The following ENPP1 variants were observed in gnomAD, a reference collection of about 807,000 sequenced individuals.
ENPP1 encodes the protein ectonucleotide pyrophosphatase/phosphodiesterase 1, also known as ectonucleotide pyrophosphatase/phosphodiesterase family member 1.
ENPP1 carries 73 observed loss-of-function variants against 122.8 expected under a neutral mutation model. The ratio of observed to expected loss-of-function variants is 0.59; its 90% CI spans 0.49 to 0.72. The LOEUF (loss-of-function observed/expected upper bound fraction) is 0.72, where lower values mean the gene tolerates loss of function less well. ENPP1 is among the 30% of genes least tolerant of loss of function. The probability of loss-of-function intolerance (pLI) is 0.00; values close to 1 mark genes in which losing one functional copy is unlikely to be tolerated. For synonymous variants in ENPP1, 367 were observed against 391.6 expected (o/e 0.94, Z 0.74); for missense variants, 978 against 1,128.1 (o/e 0.87, Z 1.91).
intron 1 of ENPP1, chr6:131,826,039 A>G: frequency 2.6e-6 from 2 of 756,114 alleles, no homozygotes; most frequent in Non-Finnish European, 2.5e-6. Flanking sequence ...AAGAGTATTG[A>G]GCAAATTCTC....
rs372730041 is a variant in ENPP1 at position 131,863,697 on chromosome 6, G to A, written c.1026-809G>A. Among the ~76,000 whole-genome samples, 151 of 150,944 alleles carry A rather than the reference G, an allele frequency of 1.0e-3. 7 individuals carry two copies. The South Asian group carries it at 0.03, about 30-fold the overall frequency. On this transcript the variant is annotated intron_variant, in intron 9 of 24. Transcript: ENST00000647893. ...TGGAAGGCTGAGGCAGGCGGATCACGAGGTCAGGAGATCACCTGGCTAACA... is the reference window on the plus strand; with the variant it reads ...TGGAAGGCTGAGGCAGGCGGATCACAAGGTCAGGAGATCACCTGGCTAACA...
chr6:131,889,973 T>C (rs1585848311), intron 24 of ENPP1, among the ~76,000 whole-genome samples: 1 of 150,030 alleles, frequency 6.7e-6, no homozygotes, highest in African/African-American at 2.4e-5. Flanking sequence ...TTTGACTTTT[T>C]AATAATAGGC....
At chr6:131,886,390 A>G (rs1342109689) in intron 23 of ENPP1, among the ~76,000 whole-genome samples, 172 bp from the exon 24 acceptor site, 2 of 152,212 alleles carry the variant, frequency 1.3e-5, no homozygotes, top group Non-Finnish European at 2.9e-5. Flanking sequence ...TCTTCTAATT[A>G]TTGCTCTCAA....
intron 1 of ENPP1, chr6:131,825,894 T>C (rs1781541445): frequency 3.2e-6 from 1 of 313,860 alleles, no homozygotes; most frequent in Non-Finnish European, 5.9e-6. Flanking sequence ...TTTTTCATCT[T>C]TATTAACTTA....
chr6:131,828,189 A>G, intron 1 of ENPP1: 1 of 576,578 alleles, frequency 1.7e-6, no homozygotes, highest in Admixed American at 1.9e-5. Context: ...GGATGTGTTT[A>G]TGCTGGCTTT....
At chr6:131,809,151 T>C (rs1562505384) in intron 1 of ENPP1, among the ~76,000 whole-genome samples, 1 of 152,172 alleles carries the variant, frequency 6.6e-6, no homozygotes, top group Admixed American at 6.5e-5. Context: ...AAAATCAAGC[T>C]GAAGAATGTA....
chr6:131,827,440 G>T, intron 1 of ENPP1: 1 of 682,018 alleles, frequency 1.5e-6, no homozygotes, highest in South Asian at 1.6e-5. Context: ...GAGGAGGTCA[G>T]ACTGTAGAGT....
chr6:131,869,220 CCT>C, intron 12 of ENPP1, 136 bp from the exon 13 acceptor site: 1 of 785,364 alleles, frequency 1.3e-6, no homozygotes. Context: ...TTCTGTCTTA[CCT>C]ATCAGATCTT....
chr6:131,873,991 A>G (rs1782197056), intron 15 of ENPP1, among the ~76,000 whole-genome samples: 2 of 152,144 alleles, frequency 1.3e-5, no homozygotes, highest in African/African-American at 4.8e-5. Flanking sequence ...ATCTAAACTC[A>G]CAAGTAGTTA....
rs541894027 is a variant in ENPP1, at chr6:131,821,994, T to C, written c.240+13719T>C. Reference sequence around the variant, plus strand: ...ACCATTTCGATTATAATCTCTGGGATACTAGGAAACAGGTGAATGAAATAT... The same window carrying C: ...ACCATTTCGATTATAATCTCTGGGACACTAGGAAACAGGTGAATGAAATAT... On this transcript the variant is annotated intron_variant, in intron 1 of 24. Coordinates refer to ENST00000647893, the MANE Select transcript of ENPP1 (RefSeq NM_006208.3). Among the ~76,000 whole-genome samples, 119 of 152,338 alleles carry C rather than the reference T, an allele frequency of 7.8e-4. 1 individual carries two copies. Among genetic ancestry groups the C allele is most frequent in the African/African-American group, 2.8e-3 (115 of 41,588 alleles).
intron 9 of ENPP1, among the ~76,000 whole-genome samples, chr6:131,862,722 A>C (rs1782039969): frequency 6.6e-6 from 1 of 152,148 alleles, no homozygotes; most frequent in Non-Finnish European, 1.5e-5. Context: ...GGTCTGGTAA[A>C]TATCTCAAGC....
chr6:131,886,762 A>C, intron 24 of ENPP1, 38 bp downstream of exon 24: 1 of 1,569,588 alleles, frequency 6.4e-7, no homozygotes, highest in Non-Finnish European at 8.8e-7. Flanking sequence ...CATGTTGAAA[A>C]TCTAGACATA....
intron 20 of ENPP1, among the ~76,000 whole-genome samples, chr6:131,880,663 C>A (rs982200151): frequency 3.3e-5 from 5 of 152,078 alleles, no homozygotes; most frequent in Non-Finnish European, 7.4e-5. Flanking sequence ...TGCATGAAAT[C>A]AGCCTTAGGA....
rs550644464 is a variant in ENPP1 at position 131,892,910 on chromosome 6, T to C, written c.*2399T>C. On this transcript the variant is annotated 3_prime_UTR_variant, in exon 25 of 25. Coordinates refer to ENST00000647893, the MANE Select transcript of ENPP1 (RefSeq NM_006208.3). ...GCAGGACTCTCTTAGGGCTTTTTTT[T>C]CCCCTGCATTTATTGACATTTCCAG... 1.3e-3 allele frequency: 192 copies of C among 152,208 alleles called. No individual in the cohort carries two copies. The highest frequency in any genetic ancestry group is 4.2e-3 in the African/African-American group (173 of 41,528). 9.4% of individuals were successfully genotyped at this position (152,208 alleles called of 1,614,324 possible). A position where few individuals can be genotyped will look rare whatever the true frequency, so the allele number is the denominator to read the frequency against.
intron 6 of ENPP1, 79 bp downstream of exon 6, chr6:131,855,102 G>A: frequency 1.9e-6 from 2 of 1,045,790 alleles, no homozygotes; most frequent in Non-Finnish European, 3.0e-6. Context: ...TCTTGGAAAA[G>A]TACTGGCAGA....
Position 131,892,791 on chromosome 6 carries a change from G to A in ENPP1, c.*2280G>A, listed in dbSNP as rs772284023. 3.9e-5 allele frequency: 6 copies of A among 152,200 alleles called. No individual in the cohort carries two copies. The highest frequency in any genetic ancestry group is 8.8e-5 in the Non-Finnish European group (6 of 68,056). The allele number at this position is 152,200 out of a possible 1,614,324, so 9.4% of individuals were successfully genotyped here. A position where few individuals can be genotyped will look rare whatever the true frequency, so the allele number is the denominator to read the frequency against. On this transcript the variant is annotated 3_prime_UTR_variant, in exon 25 of 25. Coordinates refer to ENST00000647893, the MANE Select transcript of ENPP1 (RefSeq NM_006208.3). ...CCCCACTCAGCATTTGCTGGTATGG[G>A]TGGGGCCATGGTGTTTTTCCATGGT...
chr6:131,881,690 T>G (rs979859337), intron 20 of ENPP1, among the ~76,000 whole-genome samples: 1 of 152,164 alleles, frequency 6.6e-6, no homozygotes, highest in Non-Finnish European at 1.5e-5. Flanking sequence ...GAGACCATCC[T>G]GGCTAACATG....
At chr6:131,843,783 C>G (rs910282859) in intron 1 of ENPP1, among the ~76,000 whole-genome samples, 2 of 151,778 alleles carry the variant, frequency 1.3e-5, no homozygotes, top group African/African-American at 4.8e-5. Flanking sequence ...TTTTACTCTT[C>G]CCTCGTTGAC....
At chr6:131,888,551 G>A (rs1480290296) in intron 24 of ENPP1, among the ~76,000 whole-genome samples, 1 of 152,192 alleles carries the variant, frequency 6.6e-6, no homozygotes, top group African/African-American at 2.4e-5. Flanking sequence ...CCTGATGGTA[G>A]TAGTCTTTCT....
Sources: allele counts gnomAD v4.1 joint callset (sites outside exome capture counted in the v4.1 genomes callset), GRCh38; gene constraint gnomAD v4.1.1; transcripts MANE v1.5; gene names NCBI Gene and HGNC (gene_info 2026-07-23, HGNC 2026-07-21).